LMO7: variants seen among roughly 807,000 people sequenced by gnomAD.
The protein encoded by LMO7 is LIM domain only protein 7.
In LMO7, 120 loss-of-function variants were observed where a neutral mutation model predicts 206.5. The ratio of observed to expected loss-of-function variants is 0.58; its 90% CI spans 0.50 to 0.68. LMO7 has a LOEUF of 0.68. Among genes scored for constraint, LMO7 ranks in the 30% least tolerant of loss-of-function variants. The pLI is 0.00. For missense variants in LMO7, 1,959 were observed against 1,957.9 expected, an observed-to-expected ratio of 1.00 and a Z score of -0.01; for synonymous variants, 706 against 681.5, an observed-to-expected ratio of 1.04 and a Z score of -0.56.
intron 4 of LMO7, among the ~76,000 whole-genome samples, chr13:75,791,117 G>A (rs1015855580): frequency 4.0e-5 from 6 of 151,798 alleles, no homozygotes; most frequent in African/African-American, 1.2e-4. Flanking sequence ...GTGCAAGTAT[G>A]GATTCTTTGG....
chr13:75,705,351 A>C (rs746110935), intron 1 of LMO7, among the ~76,000 whole-genome samples: 31 of 152,238 alleles, frequency 2.0e-4, no homozygotes, highest in Non-Finnish European at 3.8e-4. Flanking sequence ...AAAGTGTATC[A>C]TGTGAGATAG....
intron 1 of LMO7, among the ~76,000 whole-genome samples, chr13:75,654,033 A>G (rs2037815078): frequency 6.7e-6 from 1 of 149,694 alleles, no homozygotes; most frequent in Non-Finnish European, 1.5e-5. Flanking sequence ...TATTTCATAT[A>G]AAAAAGTACC....
At chr13:75,855,556 T>G (rs2060862968) in intron 29 of LMO7, among the ~76,000 whole-genome samples, 188 bp downstream of exon 29, 1 of 152,234 alleles carries the variant, frequency 6.6e-6, no homozygotes. Context: ...GTTTTAAAAC[T>G]TAAATCTGGA....
intron 15 of LMO7, among the ~76,000 whole-genome samples, chr13:75,826,267 C>G (rs983231261): frequency 3.3e-5 from 5 of 152,070 alleles, no homozygotes; most frequent in African/African-American, 1.2e-4. Flanking sequence ...CTCTCAAACT[C>G]CTGGGCTCAA....
At chr13:75,768,774 T>C (rs2049239203) in intron 4 of LMO7, among the ~76,000 whole-genome samples, 1 of 152,120 alleles carries the variant, frequency 6.6e-6, no homozygotes, top group African/African-American at 2.4e-5. Context: ...TTTTTCTTTT[T>C]GGAATAGGTG....
At chr13:75,777,907 A>G (rs1235191622) in intron 4 of LMO7, among the ~76,000 whole-genome samples, 7 of 152,134 alleles carry the variant, frequency 4.6e-5, no homozygotes, top group African/African-American at 1.7e-4. Flanking sequence ...GGCCTCCCAA[A>G]GTGCTGGGAT....
chr13:75,786,909 G>A (rs2052533150), intron 4 of LMO7, among the ~76,000 whole-genome samples: 1 of 152,114 alleles, frequency 6.6e-6, no homozygotes. Context: ...CAGTTACCTA[G>A]CATTATCACC....
chr13:75,633,578 C>A (rs2035285683), upstream of LMO7, among the ~76,000 whole-genome samples: 1 of 152,038 alleles, frequency 6.6e-6, no homozygotes, highest in Non-Finnish European at 1.5e-5. Flanking sequence ...ATCCAGAAGA[C>A]AGCCTGGTTT....
intron 1 of LMO7, among the ~76,000 whole-genome samples, chr13:75,702,619 A>G (rs1259473437): frequency 1.3e-5 from 2 of 152,248 alleles, no homozygotes; most frequent in Non-Finnish European, 2.9e-5. Context: ...TGAATATACA[A>G]TATAAGTTTA....
chr13:75,823,945 A>C, intron 15 of LMO7, 72 bp downstream of exon 15: 4 of 1,287,910 alleles, frequency 3.1e-6, no homozygotes, highest in Non-Finnish European at 4.4e-6. Context: ...ACCATGTCTC[A>C]AATGTCAAAC....
chr13:75,822,787 TATA>T (rs1287778992), intron 14 of LMO7, among the ~76,000 whole-genome samples: 1 of 124,704 alleles, frequency 8.0e-6, no homozygotes, highest in African/African-American at 2.8e-5. Flanking sequence ...TATATATATA[TATA>T]TATATAGTTT....
intron 4 of LMO7, among the ~76,000 whole-genome samples, chr13:75,775,776 C>T (rs1285088478): frequency 6.6e-6 from 1 of 151,726 alleles, no homozygotes; most frequent in Non-Finnish European, 1.5e-5. Context: ...GTCAGAATGG[C>T]TATTATTAAA....
chr13:75,773,502 C>T (rs2050005768), intron 4 of LMO7, among the ~76,000 whole-genome samples: 1 of 152,082 alleles, frequency 6.6e-6, no homozygotes, highest in African/African-American at 2.4e-5. Context: ...TTACGGCAGT[C>T]AATGAGTGTG....
At position 75,773,412 on chromosome 13, in the gene LMO7, TAGAA is replaced by T. The variant is rs551723317; in HGVS notation, c.317+12378_317+12381del. On this transcript the variant is annotated intron_variant, in intron 4 of 30. Coordinates refer to ENST00000377534, the MANE Select transcript of LMO7 (RefSeq NM_001306080.2). Reference sequence around the variant, plus strand: ...AATTAAAATGCTAAAATCAGAGACTTAGAAAGATAGAGTAATGAAGTAGCCTACA... The same window carrying T: ...AATTAAAATGCTAAAATCAGAGACTTAGATAGAGTAATGAAGTAGCCTACA... Among the ~76,000 whole-genome samples the T allele has an allele frequency of 9.2e-5, 14 of 152,126 alleles. No homozygotes were observed. In the South Asian group the frequency reaches 2.9e-3, roughly 32 times the overall value.
At chr13:75,838,472 AAAG>A (rs2059331329) in intron 20 of LMO7, 7 of 658,876 alleles carry the variant, frequency 1.1e-5, no homozygotes, top group African/African-American at 1.9e-5. Flanking sequence ...AAAAAAAAAA[AAAG>A]GGAGATGCTC....
At chr13:75,655,284 G>T (rs17704375) in intron 1 of LMO7, among the ~76,000 whole-genome samples, 1 of 152,162 alleles carries the variant, frequency 6.6e-6, no homozygotes, top group African/African-American at 2.4e-5. Context: ...CCTCTGAAGC[G>T]TGTAGAGTTT....
At chr13:75,759,029 G>C (rs773039296) in intron 3 of LMO7, among the ~76,000 whole-genome samples, 20 of 152,170 alleles carry the variant, frequency 1.3e-4, no homozygotes, top group Non-Finnish European at 2.6e-4. Flanking sequence ...GAAGGCCTCA[G>C]AGAGCTTACA....
chr13:75,707,861 G>A lies in LMO7; in HGVS notation c.70-5321G>A, dbSNP rs555046131. On this transcript the variant is annotated intron_variant, in intron 1 of 30. Coordinates refer to ENST00000377534, the MANE Select transcript of LMO7 (RefSeq NM_001306080.2). ...GTACATCAATATTTAGATATATGAG[G>A]GGGTCTTCAGACCCCCTCATATATC... Among the ~76,000 whole-genome samples, 6 of 149,622 alleles carry A rather than the reference G, an allele frequency of 4.0e-5. No homozygotes were observed. In the South Asian group the frequency reaches 1.3e-3, roughly 32 times the overall value.
intron 1 of LMO7, among the ~76,000 whole-genome samples, chr13:75,676,307 CTG>C (rs779813337): frequency 3.9e-5 from 6 of 152,274 alleles, no homozygotes; most frequent in Non-Finnish European, 7.4e-5. Flanking sequence ...TTAACAGTAA[CTG>C]TTCTACTCAT....
Sources: gnomAD v4.1 joint callset for allele counts (sites outside exome capture counted in the v4.1 genomes callset) on GRCh38, gnomAD v4.1.1 for gene constraint, MANE v1.5 for transcripts, NCBI Gene and HGNC (gene_info 2026-07-23, HGNC 2026-07-21) for gene names.